Variants in IL33 observed in about 807,000 individuals in gnomAD.
The protein encoded by IL33 is interleukin 33, also known as interleukin-33.
A neutral mutation model predicts 27.3 loss-of-function variants in IL33; 37 were observed. That is an observed-to-expected ratio of 1.36 (90% confidence interval 1.04 to 1.78). The LOEUF is 1.78. Ranked by LOEUF, IL33 falls within the 40% of genes most tolerant of loss-of-function variation. The pLI, the probability that IL33 is intolerant of heterozygous loss-of-function variation, is 0.00. For missense variants in IL33, 406 were observed against 311.4 expected (o/e 1.30, Z -2.29); for synonymous variants, 132 against 102.9 (o/e 1.28, Z -1.71).
intron 1 of IL33, among the ~76,000 whole-genome samples, chr9:6,238,189 T>C (rs1819337810): frequency 6.6e-6 from 1 of 152,188 alleles, no homozygotes; most frequent in African/African-American, 2.4e-5. Context: ...CTAGATTCTG[T>C]TCCTGGTTCT....
In IL33 at chr9:6,256,524, T is replaced by C; in HGVS notation, c.*356T>C. On this transcript the variant is annotated 3_prime_UTR_variant, in exon 8 of 8. Transcript: ENST00000682010. ...ACTGAGGAAAGAGCCATAGCTTAAG[T>C]CTCTATGTAGACAGGGATCCATTTT... The C allele has an allele frequency of 2.6e-6, 1 of 390,598 alleles. No homozygotes were observed. Among genetic ancestry groups the C allele is most frequent in the Non-Finnish European group, 4.5e-6 (1 of 219,902 alleles). 24.2% of individuals were successfully genotyped at this position (390,598 alleles called of 1,614,324 possible).
intron 1 of IL33, among the ~76,000 whole-genome samples, chr9:6,233,060 G>A (rs1242318776): frequency 2.0e-5 from 3 of 152,096 alleles, no homozygotes; most frequent in Non-Finnish European, 4.4e-5. Flanking sequence ...CGGTTCAGTG[G>A]CATTCACATT....
Position 6,256,892 on chromosome 9 carries a change from A to G in IL33, c.*724A>G, listed in dbSNP as rs1000901108. 1.3e-5 allele frequency: 2 copies of G among 152,216 alleles called. No individual in the cohort carries two copies. Among genetic ancestry groups the G allele is most frequent in the Admixed American group, 1.3e-4 (2 of 15,284 alleles). 9.4% of individuals were successfully genotyped at this position (152,216 alleles called of 1,614,324 possible). Reference sequence around the variant, plus strand: ...TTAAAATTCTGATTTTTATATATTGAGTTTAAGCAAGGCATTCTTACACGA... The same window carrying G: ...TTAAAATTCTGATTTTTATATATTGGGTTTAAGCAAGGCATTCTTACACGA... On this transcript the variant is annotated 3_prime_UTR_variant, in exon 8 of 8. Transcript: ENST00000682010.
At chr9:6,255,912 A>G in intron 7 of IL33, 56 bp from the exon 8 acceptor site, 2 of 1,411,958 alleles carry the variant, frequency 1.4e-6, no homozygotes, top group Non-Finnish European at 1.0e-6. Context: ...AGGCAGGTAA[A>G]GTTGACTCTG....
At position 6,251,169 on chromosome 9, in the gene IL33, G is replaced by A. The variant is rs147177744; in HGVS notation, c.247G>A (p.Ala83Thr). The A allele has an allele frequency of 2.9e-4, 467 of 1,613,790 alleles. 1 individual carries two copies. The highest frequency in any genetic ancestry group is 1.4e-3 in the African/African-American group (105 of 75,010). Residue 83 changes from alanine to threonine, a missense_variant, in exon 4 of 8, where the codon GCT becomes ACT. Ala to Thr is a moderately conservative substitution (Grantham distance 58). Coordinates refer to ENST00000682010, the MANE Select transcript of IL33 (RefSeq NM_033439.4). ...GRKHKRHLVLAACQQQSTVEC... is the reference protein window; with the variant it reads ...GRKHKRHLVLTACQQQSTVEC... Reference sequence around the variant, plus strand: ...AAAGCACAAAAGACATCTGGTACTCGCTGCCTGTCAACAGCAGTCTACTGT... The same window carrying A: ...AAAGCACAAAAGACATCTGGTACTCACTGCCTGTCAACAGCAGTCTACTGT...
At chr9:6,231,030 G>A (rs562236517) in intron 1 of IL33, among the ~76,000 whole-genome samples, 25 of 152,214 alleles carry the variant, frequency 1.6e-4, no homozygotes, top group African/African-American at 5.5e-4. Context: ...TACAGAAGAC[G>A]CCAAACATTG....
At position 6,250,689 on chromosome 9, in the gene IL33, C is replaced by A. The variant is rs1816300959; in HGVS notation, c.217+90C>A. 2.1e-6 allele frequency: 3 copies of A among 1,434,142 alleles called. No individual in the cohort carries two copies. The Admixed American group carries it at 6.9e-5, about 33-fold the overall frequency. The allele number at this position is 1,434,142 out of a possible 1,614,324, so 88.8% of individuals were successfully genotyped here. A position where few individuals can be genotyped will look rare whatever the true frequency, so the allele number is the denominator to read the frequency against. ...CTAAATATGCAATTATTTTTCCTCACTCCAAGGTTCCTTTTGGAAAATATT... is the reference window on the plus strand; with the variant it reads ...CTAAATATGCAATTATTTTTCCTCAATCCAAGGTTCCTTTTGGAAAATATT... On this transcript the variant is annotated intron_variant, in intron 3 of 7. Transcript: ENST00000682010.
intron 4 of IL33, among the ~76,000 whole-genome samples, chr9:6,251,981 G>A (rs1816388413): frequency 6.7e-6 from 1 of 149,822 alleles, no homozygotes; most frequent in Non-Finnish European, 1.5e-5. Context: ...AGGTTGCAGT[G>A]AGCCGAGATC....
intron 1 of IL33, among the ~76,000 whole-genome samples, chr9:6,219,684 T>G (rs917788941): frequency 6.6e-6 from 1 of 152,080 alleles, no homozygotes; most frequent in African/African-American, 2.4e-5. Context: ...TCAAGACAGG[T>G]GTTGTGATGG....
intron 2 of IL33, among the ~76,000 whole-genome samples, chr9:6,248,741 C>A (rs1297748426): frequency 2.0e-5 from 3 of 146,662 alleles, no homozygotes; most frequent in African/African-American, 7.5e-5. Flanking sequence ...TGCCCAGCTA[C>A]TTTTTTTTTT....
Position 6,226,839 on chromosome 9 carries a change from G to A in IL33, c.-12+10987G>A, listed in dbSNP as rs151169649. On this transcript the variant is annotated intron_variant, in intron 1 of 7. Transcript: ENST00000682010. The stretch of plus-strand genomic sequence containing the variant: ...TCTCACCATGGTGTCTGGTATTCTC[G>A]TTTGCTTTGCAAATTTTGACTGCAG... Among the ~76,000 whole-genome samples the A allele has an allele frequency of 4.2e-3, 647 of 152,272 alleles. 6 individuals carry two copies. Among genetic ancestry groups the A allele is most frequent in the African/African-American group, 0.015 (627 of 41,544 alleles).
chr9:6,240,505 A>G (rs1819468140), intron 1 of IL33, among the ~76,000 whole-genome samples: 1 of 152,246 alleles, frequency 6.6e-6, no homozygotes, highest in Admixed American at 6.5e-5. Flanking sequence ...TAAAATGTCA[A>G]TTCTAATACA....
intron 1 of IL33, among the ~76,000 whole-genome samples, chr9:6,230,187 T>C (rs933600419): frequency 3.3e-5 from 5 of 152,010 alleles, no homozygotes; most frequent in Admixed American, 1.3e-4. Context: ...TTACAAGTGA[T>C]AAGTACTGTT....
At chr9:6,253,013 T>C (rs1351570664) in intron 5 of IL33, 22 bp downstream of exon 5, 4 of 1,328,986 alleles carry the variant, frequency 3.0e-6, no homozygotes, top group Non-Finnish European at 4.2e-6. Flanking sequence ...TCTTTTTCTA[T>C]AATAATGTAA....
chr9:6,253,090 C>T (rs914113463), intron 5 of IL33, 99 bp downstream of exon 5: 4 of 833,798 alleles, frequency 4.8e-6, no homozygotes, highest in Non-Finnish European at 7.2e-6. Flanking sequence ...TTAACTTAGA[C>T]ATGGCAAACA....
intron 4 of IL33, among the ~76,000 whole-genome samples, chr9:6,252,344 T>C (rs998671191): frequency 3.9e-5 from 6 of 152,238 alleles, no homozygotes; most frequent in Admixed American, 3.3e-4. Flanking sequence ...AATATTATCA[T>C]TTTCTATGGG....
intron 1 of IL33, among the ~76,000 whole-genome samples, chr9:6,232,222 A>T (rs955635531): frequency 2.0e-5 from 3 of 152,208 alleles, no homozygotes; most frequent in African/African-American, 7.2e-5. Context: ...ATGATGGTGG[A>T]ATACATAGTC....
At chr9:6,215,725 C>G (rs1818106313), upstream of IL33, 1 of 152,164 alleles carries the variant, frequency 6.6e-6, no homozygotes, top group Admixed American at 6.5e-5. Context: ...TAAAATCTCA[C>G]CCGCCCAGAT....
intron 1 of IL33, among the ~76,000 whole-genome samples, chr9:6,218,040 T>C (rs1818224115): frequency 6.6e-6 from 1 of 152,234 alleles, no homozygotes; most frequent in Admixed American, 6.5e-5. Context: ...AATGTACCTC[T>C]CTGAGTTCAG....
Sources: allele counts gnomAD v4.1 joint callset (sites outside exome capture counted in the v4.1 genomes callset), GRCh38; gene constraint gnomAD v4.1.1; transcripts MANE v1.5; gene names NCBI Gene and HGNC (gene_info 2026-07-23, HGNC 2026-07-21).